The following AMPH variants were observed in gnomAD, a reference collection of about 807,000 sequenced individuals.
AMPH encodes the protein amphiphysin (Stiff-Mann syndrome with breast cancer 128kD autoantigen).
Under a neutral mutation model 99.1 loss-of-function variants are expected in AMPH, and 49 were observed. The observed-to-expected ratio is 0.49, with a 90% CI of 0.39 to 0.63. The LOEUF is 0.63. Among genes scored for constraint, AMPH ranks in the 20% least tolerant of loss-of-function variants. AMPH has a pLI of 0.00. For synonymous variants in AMPH, 314 were observed against 317.3 expected, an observed-to-expected ratio of 0.99 and a Z score of 0.11; for missense variants, 759 against 863.4, an observed-to-expected ratio of 0.88 and a Z score of 1.52.
In AMPH at chr7:38,532,949, A is replaced by G. The variant is rs149213032; in HGVS notation, c.150+1982T>C. Among the ~76,000 whole-genome samples, 1,005 of 152,332 alleles carry G rather than the reference A, an allele frequency of 6.6e-3. 9 individuals are homozygous for G. Among genetic ancestry groups the G allele is most frequent in the African/African-American group, 0.023 (949 of 41,574 alleles). On this transcript the variant is annotated intron_variant, in intron 2 of 20. Coordinates refer to ENST00000356264, the MANE Select transcript of AMPH (RefSeq NM_001635.4). ...TGCCAGACAGGAAAACAAGGTTTCG[A>G]AGGGTACAGTGTGAATCCTTAGGTA...
intron 11 of AMPH, among the ~76,000 whole-genome samples, chr7:38,448,754 C>T (rs1786889179): frequency 6.6e-6 from 1 of 152,148 alleles, no homozygotes; most frequent in African/African-American, 2.4e-5. Flanking sequence ...ACAATCTAGA[C>T]CTATCGATTG....
chr7:38,435,728 G>A (rs183345865), intron 12 of AMPH, among the ~76,000 whole-genome samples: 52 of 152,230 alleles, frequency 3.4e-4, no homozygotes, highest in African/African-American at 1.2e-3. Flanking sequence ...GAAGCAAGGC[G>A]ACTCTCCATC....
At chr7:38,550,870 C>T (rs6942782) in intron 1 of AMPH, among the ~76,000 whole-genome samples, 139,327 of 152,146 alleles carry the variant, frequency 0.92, 63,985 homozygotes, top group East Asian at 1. Flanking sequence ...CAAATCTCCA[C>T]AGGAAGTGGA....
chr7:38,495,385 G>T (rs1396422344), intron 3 of AMPH, among the ~76,000 whole-genome samples: 1 of 152,100 alleles, frequency 6.6e-6, no homozygotes, highest in African/African-American at 2.4e-5. Context: ...CCAGTTTAGG[G>T]TCATGGGTGA....
At chr7:38,431,951 A>G (rs781485430) in intron 13 of AMPH, 16 of 571,706 alleles carry the variant, frequency 2.8e-5, no homozygotes, top group Admixed American at 8.9e-5. Context: ...CTTGACCATT[A>G]TTCAAATTAT....
At chr7:38,551,270 T>C (rs1400952677) in intron 1 of AMPH, among the ~76,000 whole-genome samples, 5 of 152,186 alleles carry the variant, frequency 3.3e-5, no homozygotes. Context: ...TCATTAACAA[T>C]GAACCAATCT....
intron 1 of AMPH, among the ~76,000 whole-genome samples, chr7:38,556,503 T>C (rs1791368860): frequency 6.6e-6 from 1 of 152,140 alleles, no homozygotes; most frequent in Non-Finnish European, 1.5e-5. Context: ...GCGAAGGCCC[T>C]CACTCACTGT....
At chr7:38,517,529 TA>T (rs1319133782) in intron 2 of AMPH, among the ~76,000 whole-genome samples, 1 of 152,170 alleles carries the variant, frequency 6.6e-6, no homozygotes, top group Non-Finnish European at 1.5e-5. Context: ...ATGAGCCAAT[TA>T]AACCTCATTT....
chr7:38,420,931 G>C, intron 16 of AMPH: 2 of 456,454 alleles, frequency 4.4e-6, no homozygotes. Context: ...AATAGTCAAT[G>C]AGCCAAACAC....
intron 5 of AMPH, among the ~76,000 whole-genome samples, chr7:38,478,522 C>G (rs1222752787): frequency 6.6e-6 from 1 of 152,082 alleles, no homozygotes; most frequent in Non-Finnish European, 1.5e-5. Context: ...TTTCAGTACT[C>G]ACTATCCTAT....
chr7:38,446,792 C>T (rs532940141), intron 11 of AMPH, among the ~76,000 whole-genome samples: 5 of 151,974 alleles, frequency 3.3e-5, no homozygotes, highest in Non-Finnish European at 7.4e-5. Flanking sequence ...ATCAATCACA[C>T]ATCAATAGAG....
intron 15 of AMPH, among the ~76,000 whole-genome samples, chr7:38,426,457 T>C (rs1385868818): frequency 2.0e-5 from 3 of 152,246 alleles, no homozygotes; most frequent in Non-Finnish European, 4.4e-5. Flanking sequence ...CCTGGAGAAC[T>C]GCTGAAGAGG....
At chr7:38,478,476 A>C (rs912165780) in intron 5 of AMPH, among the ~76,000 whole-genome samples, 2 of 152,190 alleles carry the variant, frequency 1.3e-5, no homozygotes, top group Admixed American at 1.3e-4. Flanking sequence ...TAACGGCCTG[A>C]CAAAAAGGCT....
intron 1 of AMPH, among the ~76,000 whole-genome samples, chr7:38,553,238 C>G (rs1422411997): frequency 6.6e-6 from 1 of 152,216 alleles, no homozygotes; most frequent in African/African-American, 2.4e-5. Flanking sequence ...CTTTGGGGGC[C>G]TCAACTCCAC....
intron 1 of AMPH, among the ~76,000 whole-genome samples, chr7:38,560,505 C>T (rs73124279): frequency 0.055 from 8,306 of 152,252 alleles, 283 homozygotes; most frequent in African/African-American, 0.09. Context: ...TTACACAGTG[C>T]AAGCTAGCTG....
chr7:38,424,985 G>A (rs1392061151), intron 15 of AMPH, among the ~76,000 whole-genome samples: 1 of 152,294 alleles, frequency 6.6e-6, no homozygotes, highest in East Asian at 1.9e-4. Context: ...AAATTATAAG[G>A]GAAAATGATT....
At chr7:38,469,923 T>C (rs1787815911) in intron 7 of AMPH, among the ~76,000 whole-genome samples, 1 of 152,182 alleles carries the variant, frequency 6.6e-6, no homozygotes, top group African/African-American at 2.4e-5. Context: ...GCCCACCCAC[T>C]AACCTAATTT....
At position 38,392,012 on chromosome 7, in the gene AMPH, C is replaced by T; in HGVS notation, c.1614G>A (p.Lys538=). 1 of 1,604,842 alleles carries T rather than the reference C, an allele frequency of 6.2e-7. No individual in the cohort carries two copies. The highest frequency in any genetic ancestry group is 8.5e-7 in the Non-Finnish European group (1 of 1,179,902). ...GCTCTATGACCACCGAAGGAATGAC[C>T]TTCTCCTGGGGGAAGAAAAACCGTG... is the stretch of plus-strand genomic sequence containing the variant. The part of the protein sequence containing the change: ...EELEATVPQE[K]VIPSVVIEPA... Residue 538 remains lysine, a synonymous_variant, in exon 19 of 21, where the codon AAG becomes AAA. Coordinates refer to ENST00000356264, the MANE Select transcript of AMPH (RefSeq NM_001635.4).
At chr7:38,608,184 C>A (rs1278875331) in intron 1 of AMPH, among the ~76,000 whole-genome samples, 1 of 152,002 alleles carries the variant, frequency 6.6e-6, no homozygotes, top group Admixed American at 6.6e-5. Flanking sequence ...GTAAGAGCAC[C>A]CGTGGGTGTT....
Sources: gnomAD v4.1 joint callset for allele counts (sites outside exome capture counted in the v4.1 genomes callset) on GRCh38, gnomAD v4.1.1 for gene constraint, MANE v1.5 for transcripts, NCBI Gene and HGNC (gene_info 2026-07-23, HGNC 2026-07-21) for gene names.